The following PTAFR variants were observed in gnomAD, a reference collection of about 807,000 sequenced individuals.
PTAFR encodes platelet-activating factor receptor.
A neutral mutation model predicts 14.7 loss-of-function variants in PTAFR; 8 were observed. The ratio of observed to expected loss-of-function variants is 0.54; its 90% confidence interval spans 0.32 to 0.98. The LOEUF (loss-of-function observed/expected upper bound fraction) is 0.98, where lower values mean the gene tolerates loss of function less well. PTAFR is among the 50% of genes least tolerant of loss of function. The pLI is 0.04. For missense variants in PTAFR, 337 were observed against 451.2 expected (o/e 0.75, Z 2.29); for synonymous variants, 156 against 176.5 (o/e 0.88, Z 0.92).
At chr1:28,183,287 G>A (rs947071790) in intron 1 of PTAFR, among the ~76,000 whole-genome samples, 3 of 152,104 alleles carry the variant, frequency 2.0e-5, no homozygotes, top group African/African-American at 7.2e-5. Context: ...GAAGATGCTG[G>A]CGTAAAAGAT....
chr1:28,178,841 C>G (rs975718639), upstream of PTAFR, among the ~76,000 whole-genome samples: 1 of 152,082 alleles, frequency 6.6e-6, no homozygotes, highest in Non-Finnish European at 1.5e-5. Context: ...TCCACACTCA[C>G]GCACCGCACA....
intron 1 of PTAFR, among the ~76,000 whole-genome samples, chr1:28,175,148 G>C (rs750736957): frequency 8.5e-5 from 13 of 152,054 alleles, no homozygotes; most frequent in Non-Finnish European, 1.6e-4. Context: ...TCTTGACCTC[G>C]TGATCTACCC....
chr1:28,175,648 A>G (rs986378503), intron 1 of PTAFR, among the ~76,000 whole-genome samples: 5 of 151,862 alleles, frequency 3.3e-5, no homozygotes, highest in African/African-American at 1.2e-4. Context: ...TGTCCCCAGC[A>G]CCTGGGACCT....
chr1:28,175,705 G>A (rs935732180), intron 1 of PTAFR, among the ~76,000 whole-genome samples: 1 of 151,970 alleles, frequency 6.6e-6, no homozygotes, highest in Middle Eastern at 3.2e-3. Context: ...TAAGAACCTG[G>A]TTATTTTCAG....
chr1:28,182,012 G>A (rs977148146), intron 1 of PTAFR, among the ~76,000 whole-genome samples: 33 of 151,520 alleles, frequency 2.2e-4, no homozygotes, highest in Non-Finnish European at 2.9e-4. Context: ...GAATCTTCTC[G>A]GATCCTGATT....
chr1:28,163,070 C>G (rs1349658842), intron 1 of PTAFR, among the ~76,000 whole-genome samples: 3 of 152,142 alleles, frequency 2.0e-5, no homozygotes, highest in Non-Finnish European at 2.9e-5. Context: ...CTCGCTGCTT[C>G]CCTAAAAACT....
intron 1 of PTAFR, among the ~76,000 whole-genome samples, chr1:28,172,714 C>T (rs747326538): frequency 3.9e-5 from 6 of 152,116 alleles, no homozygotes; most frequent in Admixed American, 6.5e-5. Flanking sequence ...TAGAAGCAAC[C>T]GGGGTTAGCC....
upstream of PTAFR, among the ~76,000 whole-genome samples, chr1:28,179,785 G>A (rs1476080863): frequency 6.6e-6 from 1 of 151,968 alleles, no homozygotes; most frequent in South Asian, 2.1e-4. Flanking sequence ...GTTGCAGTGA[G>A]CCAAGATGGT....
At chr1:28,192,855 C>G (rs1471012397) in intron 1 of PTAFR, among the ~76,000 whole-genome samples, 1 of 152,068 alleles carries the variant, frequency 6.6e-6, no homozygotes, top group Non-Finnish European at 1.5e-5. Flanking sequence ...CCATGTTGGC[C>G]GGGCTGGTCT....
chr1:28,172,411 C>T (rs922850014), intron 1 of PTAFR, among the ~76,000 whole-genome samples: 3 of 152,266 alleles, frequency 2.0e-5, no homozygotes, highest in South Asian at 2.1e-4. Context: ...GGACCCCGTC[C>T]AGGGAAAAAA....
chr1:28,189,332 G>A (rs1279307443), intron 1 of PTAFR, among the ~76,000 whole-genome samples: 4 of 152,074 alleles, frequency 2.6e-5, no homozygotes, highest in Admixed American at 6.6e-5. Context: ...AACATAATGC[G>A]GCCGGGCATG....
At chr1:28,172,226 G>C (rs1161097123) in intron 1 of PTAFR, among the ~76,000 whole-genome samples, 3 of 152,152 alleles carry the variant, frequency 2.0e-5, no homozygotes, top group Non-Finnish European at 4.4e-5. Context: ...ATGCTGGCCA[G>C]GCTGGTCTCA....
In PTAFR at chr1:28,176,444, C is replaced by CAAAA. The variant is rs532299068; in HGVS notation, c.-39+144_-39+147dup. On this transcript the variant is annotated intron_variant, in intron 1 of 1. Coordinates refer to ENST00000373857, the MANE Select transcript of PTAFR (RefSeq NM_000952.5). ...GACAACAGAGTGAGAGACCCTGTCT[C>CAAAA]AAAAAAAAAAAAAAAAAAAAAGAAA... The CAAAA allele has an allele frequency of 1.1e-4, 8 of 71,096 alleles. 1 individual carries two copies. The highest frequency in any genetic ancestry group is 1.6e-4 in the Admixed American group (1 of 6,110). The allele number at this position is 71,096 out of a possible 1,614,324, so 4.4% of individuals were successfully genotyped here.
intron 1 of PTAFR, among the ~76,000 whole-genome samples, chr1:28,190,319 T>C (rs1646642313): frequency 2.0e-5 from 3 of 152,156 alleles, no homozygotes. Context: ...GAGAATGCAA[T>C]ACACATGCAT....
chr1:28,179,649 C>G (rs1646546848), upstream of PTAFR, among the ~76,000 whole-genome samples: 1 of 151,828 alleles, frequency 6.6e-6, no homozygotes, highest in African/African-American at 2.4e-5. Context: ...AACCCTGTCT[C>G]TACTAAAAAT....
rs1646162507 is a variant in PTAFR at position 28,150,080 on chromosome 1, G to A, written c.942C>T (p.Ser314=). 6.2e-7 allele frequency: 1 copy of A among 1,614,068 alleles called. No individual in the cohort carries two copies. Among genetic ancestry groups the A allele is most frequent in the African/African-American group, 1.3e-5 (1 of 74,940 alleles). The part of the protein sequence containing the change: ...LTEKFYSMRS[S]RKCSRATTDT... ...CCGTGGTGGCCCGGGAGCATTTCCG[G>A]CTACTGCGCATGCTGTAGAACTTTT... is the stretch of plus-strand genomic sequence containing the variant. Residue 314 remains serine, a synonymous_variant, in exon 2 of 2, where the codon AGC becomes AGT. Coordinates refer to ENST00000373857, the MANE Select transcript of PTAFR (RefSeq NM_000952.5). The surrounding 1 kb of genome is among the most constrained non-coding windows in gnomAD (Gnocchi z 6.3).
At chr1:28,167,633 ATTTTTTTTTTTTTTT>A (rs780344665) in intron 1 of PTAFR, among the ~76,000 whole-genome samples, 77 of 80,254 alleles carry the variant, frequency 9.6e-4, no homozygotes, top group Admixed American at 2.5e-3. Flanking sequence ...TGAAAACGGG[ATTTTTTTTTTTTTTT>A]TTTTTTTTTT....
chr1:28,167,599 G>C (rs1173488333), intron 1 of PTAFR, among the ~76,000 whole-genome samples: 2 of 148,432 alleles, frequency 1.3e-5, no homozygotes, highest in African/African-American at 2.5e-5. Flanking sequence ...TTCCGCTCTG[G>C]GTATACTATA....
intron 1 of PTAFR, among the ~76,000 whole-genome samples, chr1:28,160,322 G>T (rs897534227): frequency 6.6e-6 from 1 of 151,518 alleles, no homozygotes; most frequent in Non-Finnish European, 1.5e-5. Flanking sequence ...TAATGATATG[G>T]TGGTTGTATT....
Sources: allele counts gnomAD v4.1 joint callset (sites outside exome capture counted in the v4.1 genomes callset), GRCh38; gene constraint gnomAD v4.1.1; non-coding constraint Gnocchi (gnomAD v3.1); transcripts MANE v1.5; gene names NCBI Gene and HGNC (gene_info 2026-07-23, HGNC 2026-07-21).